The following TENM4 variants were observed in gnomAD, a reference collection of about 807,000 sequenced individuals.
TENM4 encodes the protein teneurin-4.
In TENM4, 82 loss-of-function variants were observed where a neutral mutation model predicts 243.3. That is an observed-to-expected ratio of 0.34 (90% CI 0.28 to 0.40). The LOEUF (loss-of-function observed/expected upper bound fraction) is 0.40, where lower values mean the gene tolerates loss of function less well. Among genes scored for constraint, TENM4 ranks in the 10% least tolerant of loss-of-function variants. The pLI is 1.00. For missense variants in TENM4, 3,138 were observed against 3,673.3 expected, an observed-to-expected ratio of 0.85 and a Z score of 3.77; for synonymous variants, 1,412 against 1,456.3, an observed-to-expected ratio of 0.97 and a Z score of 0.69.
At chr11:79,281,072 C>T (rs934723992) in intron 2 of TENM4, among the ~76,000 whole-genome samples, 24 of 152,280 alleles carry the variant, frequency 1.6e-4, no homozygotes, top group Middle Eastern at 3.4e-3. Flanking sequence ...TGTCTTTAGG[C>T]GTCAAATGAT....
intron 8 of TENM4, among the ~76,000 whole-genome samples, chr11:78,890,732 G>A (rs933785670): frequency 3.3e-5 from 5 of 152,180 alleles, no homozygotes; most frequent in African/African-American, 7.2e-5. Flanking sequence ...TGAGGGCAGC[G>A]GGGTATGGTC....
intron 3 of TENM4, among the ~76,000 whole-genome samples, chr11:79,168,370 G>T (rs1862963473): frequency 6.6e-6 from 1 of 152,140 alleles, no homozygotes; most frequent in Non-Finnish European, 1.5e-5. Context: ...GAATGACATG[G>T]TGATCCAGGG....
At chr11:79,210,309 C>G (rs1863932665) in intron 3 of TENM4, among the ~76,000 whole-genome samples, 1 of 152,162 alleles carries the variant, frequency 6.6e-6, no homozygotes, top group Non-Finnish European at 1.5e-5. Context: ...GTCATGTCTT[C>G]CATGAAAAGC....
intron 18 of TENM4, among the ~76,000 whole-genome samples, chr11:78,767,093 C>T (rs1440638985): frequency 6.6e-6 from 1 of 152,080 alleles, no homozygotes; most frequent in Non-Finnish European, 1.5e-5. Context: ...AGAAGAGTAA[C>T]CCGGAGATCT....
rs1432074545 is a variant in TENM4 at position 79,064,867 on chromosome 11, C to A, written c.364G>T (p.Val122Leu). Residue 122 changes from valine (V) to leucine (L), a missense_variant, in exon 6 of 34, where the codon GTG (valine) becomes TTG (leucine). Val to Leu is a conservative substitution (Grantham distance 32, BLOSUM62 1). Coordinates refer to ENST00000278550, the MANE Select transcript of TENM4 (RefSeq NM_001098816.3). ...CGCACGGGGTGCTCAGGGGACAGCACCGTGTCAGCCTCCATGTCGGCATCA... is the reference window on the plus strand; with the variant it reads ...CGCACGGGGTGCTCAGGGGACAGCAACGTGTCAGCCTCCATGTCGGCATCA... Reference protein sequence around the residue: ...GSDADMEADTVLSPEHPVRLW... With the variant: ...GSDADMEADTLLSPEHPVRLW... 1.3e-6 allele frequency: 2 copies of A among 1,550,778 alleles called. No homozygotes were observed. The highest frequency in any genetic ancestry group is 1.7e-6 in the Non-Finnish European group (2 of 1,146,662).
rs143035789 is a variant in TENM4, at chr11:79,012,346, G to C, written c.493+52392C>G. On this transcript the variant is annotated intron_variant, in intron 6 of 33. Transcript: ENST00000278550. ...TCCTGAAGAAAACAGGAGGTTGCCAGACCATCCTATCTGCTCTTAGGATCT... is the reference window on the plus strand; with the variant it reads ...TCCTGAAGAAAACAGGAGGTTGCCACACCATCCTATCTGCTCTTAGGATCT... Among the ~76,000 whole-genome samples the C allele has an allele frequency of 5.4e-3, 817 of 152,328 alleles. 15 individuals carry two copies. Among genetic ancestry groups the C allele is most frequent in the Admixed American group, 0.032 (490 of 15,290 alleles).
At chr11:79,282,484 A>G (rs550579869) in intron 2 of TENM4, among the ~76,000 whole-genome samples, 1 of 152,348 alleles carries the variant, frequency 6.6e-6, no homozygotes, top group South Asian at 2.1e-4. Context: ...TTTACTGCAG[A>G]GAAACTGCTG....
At chr11:79,366,901 A>G (rs576260703) in intron 1 of TENM4, among the ~76,000 whole-genome samples, 1 of 152,330 alleles carries the variant, frequency 6.6e-6, no homozygotes, top group South Asian at 2.1e-4. Context: ...GCTCTGCCAG[A>G]AGGCTATATA....
chr11:79,193,674 A>G (rs1221127862), intron 3 of TENM4, among the ~76,000 whole-genome samples: 1 of 152,198 alleles, frequency 6.6e-6, no homozygotes, highest in Admixed American at 6.5e-5. Flanking sequence ...AGAGTGAAGC[A>G]CAGTGCCAGG....
At chr11:79,274,288 T>G (rs1459811522) in intron 2 of TENM4, among the ~76,000 whole-genome samples, 1 of 152,236 alleles carries the variant, frequency 6.6e-6, no homozygotes, top group Non-Finnish European at 1.5e-5. Context: ...CTCGTGAAGG[T>G]CTTTTGCAGA....
intron 6 of TENM4, among the ~76,000 whole-genome samples, chr11:78,969,061 G>C (rs1282457669): frequency 6.6e-6 from 1 of 152,182 alleles, no homozygotes; most frequent in South Asian, 2.1e-4. Context: ...AGTTGCTGAA[G>C]GACTGGTGAT....
intron 6 of TENM4, among the ~76,000 whole-genome samples, chr11:78,935,399 C>T (rs1856763690): frequency 1.3e-5 from 2 of 152,158 alleles, no homozygotes; most frequent in Non-Finnish European, 2.9e-5. Context: ...TTCCAGGCAC[C>T]TTTTATTCCT....
At chr11:79,150,104 G>T (rs781591076) in intron 3 of TENM4, among the ~76,000 whole-genome samples, 16 of 152,046 alleles carry the variant, frequency 1.1e-4, no homozygotes, top group Non-Finnish European at 2.1e-4. Flanking sequence ...CCTCTGACTC[G>T]CCTCTGCCCC....
At chr11:78,871,818 G>GC (rs1183859098) in intron 9 of TENM4, among the ~76,000 whole-genome samples, 5 of 151,972 alleles carry the variant, frequency 3.3e-5, no homozygotes, top group Admixed American at 6.6e-5. Flanking sequence ...AGTCATCTCT[G>GC]CCCCCCCAGA....
intron 12 of TENM4, among the ~76,000 whole-genome samples, chr11:78,827,075 T>C (rs1857869981): frequency 6.6e-6 from 1 of 152,266 alleles, no homozygotes; most frequent in Non-Finnish European, 1.5e-5. Flanking sequence ...TTTCAATTCA[T>C]TTATTTTCTT....
At chr11:79,067,897 A>G (rs35786698) in intron 5 of TENM4, 91,795 of 152,106 alleles carry the variant, frequency 0.6, 28,171 homozygotes, top group African/African-American at 0.65. Context: ...TTAAAATGGG[A>G]TGATAATCTA....
intron 2 of TENM4, among the ~76,000 whole-genome samples, chr11:79,268,107 A>C (rs1036023725): frequency 1.3e-5 from 2 of 152,214 alleles, no homozygotes; most frequent in Non-Finnish European, 2.9e-5. Context: ...AAGCACAAAA[A>C]ATTCTGGTAT....
At chr11:79,051,972 A>G (rs1859806004) in intron 6 of TENM4, among the ~76,000 whole-genome samples, 1 of 152,210 alleles carries the variant, frequency 6.6e-6, no homozygotes, top group African/African-American at 2.4e-5. Context: ...TTATGGCTGC[A>G]CAGTATTCCA....
chr11:78,815,213 C>G (rs1305558690), intron 12 of TENM4, among the ~76,000 whole-genome samples: 1 of 152,046 alleles, frequency 6.6e-6, no homozygotes, highest in African/African-American at 2.4e-5. Context: ...TGGTGAATCC[C>G]CATCTCTACT....
Sources: gnomAD v4.1 joint callset for allele counts (sites outside exome capture counted in the v4.1 genomes callset) on GRCh38, gnomAD v4.1.1 for gene constraint, MANE v1.5 for transcripts, NCBI Gene and HGNC (gene_info 2026-07-23, HGNC 2026-07-21) for gene names.